ECD: variants seen among roughly 807,000 people sequenced by gnomAD.
ECD encodes protein ecdysoneless homolog.
Under a neutral mutation model 77.2 loss-of-function variants are expected in ECD, and 59 were observed. The observed-to-expected ratio is 0.76, with a 90% CI of 0.62 to 0.95. The LOEUF (loss-of-function observed/expected upper bound fraction) is 0.95. Ranked by LOEUF, ECD falls within the 40% of genes least tolerant of loss-of-function variation. ECD has a pLI of 0.00. For synonymous variants in ECD, 233 were observed against 267.4 expected, an observed-to-expected ratio of 0.87 and a Z score of 1.26; for missense variants, 704 against 763.4, an observed-to-expected ratio of 0.92 and a Z score of 0.92.
At chr10:73,163,317 C>T (rs995271904) in intron 2 of ECD, among the ~76,000 whole-genome samples, 3 of 152,156 alleles carry the variant, frequency 2.0e-5, no homozygotes, top group African/African-American at 7.2e-5. Flanking sequence ...CTCAGATCCT[C>T]ACCAAAATGG....
intron 9 of ECD, among the ~76,000 whole-genome samples, chr10:73,144,261 TAAATTAGGGGAAAGTCTATG>T (rs1221270928): frequency 2.0e-5 from 3 of 152,186 alleles, no homozygotes; most frequent in African/African-American, 7.2e-5. Context: ...CAATCTCTGA[TAAATTAGGGGAAAGTCTATG>T]ATATTATACG....
intron 1 of ECD, among the ~76,000 whole-genome samples, chr10:73,164,355 A>C (rs1843422421): frequency 6.6e-6 from 1 of 151,872 alleles, no homozygotes; most frequent in Non-Finnish European, 1.5e-5. Flanking sequence ...CCAACTAAAA[A>C]AAAAAATAAA....
chr10:73,136,781 T>C lies in ECD; in HGVS notation c.1627A>G (p.Lys543Glu). 6.2e-7 allele frequency: 1 copy of C among 1,611,862 alleles called. No homozygotes were observed. The change falls in exon 13 of 14, where the codon AAG becomes GAG. Residue 543 changes from lysine to glutamate, a missense_variant. Lys to Glu is a moderately conservative substitution (Grantham distance 56). Around this residue, in one of 3 missense-constraint regions of ECD, gnomAD observed 142 missense variants for 163.6 expected, o/e 0.87. Transcript: ENST00000372979. ...TGGTCCATCTGGGCCATGTATGACTTGAGATTATCAAGTGTTCCTTTCAGG... is the reference window on the plus strand; with the variant it reads ...TGGTCCATCTGGGCCATGTATGACTCGAGATTATCAAGTGTTCCTTTCAGG... ...ASLKGTLDNL[K>E]SYMAQMDQEL...
In ECD at chr10:73,154,212, G is replaced by A. The variant is rs145243675; in HGVS notation, c.783+44C>T. ...GAAAAAAATAATAATGTTTCAACTC[G>A]GTTTCCAGTAAGAGAAACTAAATGA... On this transcript the variant is annotated intron_variant, in intron 6 of 13. Coordinates refer to ENST00000372979, the MANE Select transcript of ECD (RefSeq NM_007265.3). 909 of 1,517,580 alleles carry A rather than the reference G, an allele frequency of 6.0e-4. 4 individuals are homozygous for A. The highest frequency in any genetic ancestry group is 2.5e-3 in the Middle Eastern group (11 of 4,420). The allele number at this position is 1,517,580 out of a possible 1,614,324, so 94.0% of individuals were successfully genotyped here. A position where few individuals can be genotyped will look rare whatever the true frequency, so the allele number is the denominator to read the frequency against.
chr10:73,136,236 CA>C (rs1842972166), intron 13 of ECD, among the ~76,000 whole-genome samples: 1 of 151,982 alleles, frequency 6.6e-6, no homozygotes, highest in South Asian at 2.1e-4. Context: ...GGGAAAAATA[CA>C]AAATAAACTG....
chr10:73,155,116 T>G (rs1338753720), intron 5 of ECD, among the ~76,000 whole-genome samples: 1 of 152,028 alleles, frequency 6.6e-6, no homozygotes, highest in Non-Finnish European at 1.5e-5. Flanking sequence ...TGGTGCAACC[T>G]CGGCTCACTG....
chr10:73,154,158 C>T, intron 6 of ECD, 98 bp downstream of exon 6: 1 of 1,171,888 alleles, frequency 8.5e-7, no homozygotes, highest in Non-Finnish European at 1.2e-6. Context: ...AATAATGTTT[C>T]ATTCACTGAG....
At chr10:73,160,673 G>A (rs1018786352) in intron 2 of ECD, 122 bp from the exon 3 acceptor site, 1 of 656,308 alleles carries the variant, frequency 1.5e-6, no homozygotes, top group African/African-American at 1.9e-5. Flanking sequence ...GGGGAGCAGG[G>A]GTTGCAATCC....
At chr10:73,138,944 C>T (rs1437654605) in intron 11 of ECD, among the ~76,000 whole-genome samples, 1 of 144,528 alleles carries the variant, frequency 6.9e-6, no homozygotes. Flanking sequence ...ATTTCTGCCT[C>T]TGATGAATTC....
rs143345132 is a variant in ECD at position 73,139,310 on chromosome 10, G to A, written c.1420C>T (p.Arg474Ter). Residue 474 changes from arginine (R) to a stop codon, truncating the protein, a stop_gained and splice_region_variant, in exon 11 of 14, where the codon CGA becomes TGA. Coordinates refer to ENST00000372979, the MANE Select transcript of ECD (RefSeq NM_007265.3). LOFTEE classifies it high-confidence loss of function. Reference protein sequence around the residue: ...VSTHKGAELPREPSEAPITFD... With the variant: ...VSTHKGAELP ...TATTTATACTTTAACACAAATTACC[G>A]AGGCAGCTCTGCTCCCTTGTGGGTT... 8.5e-5 allele frequency: 136 copies of A among 1,600,574 alleles called. No individual in the cohort carries two copies. Among genetic ancestry groups the A allele is most frequent in the Non-Finnish European group, 1.1e-4 (127 of 1,176,404 alleles).
intron 13 of ECD, among the ~76,000 whole-genome samples, chr10:73,135,388 G>A (rs1404651578): frequency 6.6e-6 from 1 of 152,098 alleles, no homozygotes; most frequent in Non-Finnish European, 1.5e-5. Context: ...ATTGTCCATG[G>A]AGCAGCAGAG....
At chr10:73,161,798 T>C (rs1843384451) in intron 2 of ECD, among the ~76,000 whole-genome samples, 2 of 152,156 alleles carry the variant, frequency 1.3e-5, no homozygotes, top group Admixed American at 1.3e-4. Context: ...ATATCAGCAA[T>C]CTGAATTCAA....
rs1319876495 is a variant in ECD, at chr10:73,142,233, T to G, written c.1128-2496A>C. ...CATGTTGGCCAGGTTGGTCTCAAAC[T>G]CCTGACCTCAGGTGATTCACCCATC... On this transcript the variant is annotated intron_variant, in intron 9 of 13. Transcript: ENST00000372979. 2.0e-5 allele frequency among the ~76,000 whole-genome samples: 3 copies of G among 151,924 alleles called. No individual in the cohort carries two copies. In the East Asian group the frequency reaches 5.8e-4, roughly 29 times the overall value.
At chr10:73,153,090 A>G in intron 6 of ECD, among the ~76,000 whole-genome samples, 1 of 151,842 alleles carries the variant, frequency 6.6e-6, no homozygotes, top group African/African-American at 2.4e-5. Flanking sequence ...ATCATGGCTC[A>G]CTGAAGCCTC....
At chr10:73,145,418 A>G (rs1020187956) in intron 9 of ECD, among the ~76,000 whole-genome samples, 3 of 152,132 alleles carry the variant, frequency 2.0e-5, no homozygotes, top group African/African-American at 7.2e-5. Context: ...AAAGTCTACG[A>G]TATTAATTCA....
chr10:73,150,978 G>A (rs1045113688), intron 7 of ECD, among the ~76,000 whole-genome samples: 18 of 152,236 alleles, frequency 1.2e-4, no homozygotes, highest in Non-Finnish European at 2.1e-4. Flanking sequence ...CGATTCCTCA[G>A]GGATCTAGAA....
intron 4 of ECD, 36 bp from the exon 5 acceptor site, chr10:73,156,489 C>T (rs374353810): frequency 6.2e-7 from 1 of 1,609,122 alleles, no homozygotes; most frequent in Non-Finnish European, 8.5e-7. Flanking sequence ...ACAGTGGGCA[C>T]TGGCAAACTG....
At chr10:73,137,945 G>T in intron 12 of ECD, 58 bp downstream of exon 12, 1 of 1,338,864 alleles carries the variant, frequency 7.5e-7, no homozygotes, top group Non-Finnish European at 1.0e-6. Context: ...CAATGCTCTA[G>T]CAACAGCCAT....
chr10:73,160,300 A>G (rs1843358927), intron 3 of ECD, 134 bp downstream of exon 3: 2 of 478,422 alleles, frequency 4.2e-6, no homozygotes, highest in Non-Finnish European at 6.8e-6. Context: ...AAAAAAAAAG[A>G]GCACAGATAC....
Sources: allele counts gnomAD v4.1 joint callset (sites outside exome capture counted in the v4.1 genomes callset), GRCh38; gene constraint gnomAD v4.1.1; regional missense constraint gnomAD v4.1.1; transcripts MANE v1.5; gene names NCBI Gene and HGNC (gene_info 2026-07-23, HGNC 2026-07-21).